The following SUCO variants were observed in gnomAD, a reference collection of about 807,000 sequenced individuals.
SUCO encodes the protein SUN domain-containing ossification factor.
In SUCO, 57 loss-of-function variants were observed where a neutral mutation model predicts 148.1. The ratio of observed to expected loss-of-function variants is 0.38; its 90% CI spans 0.31 to 0.48. SUCO has a LOEUF of 0.48. SUCO is among the 20% of genes least tolerant of loss of function. SUCO has a pLI of 0.96. For synonymous variants in SUCO, 470 were observed against 502.7 expected, an observed-to-expected ratio of 0.93 and a Z score of 0.87; for missense variants, 1,331 against 1,468.2, an observed-to-expected ratio of 0.91 and a Z score of 1.53.
intron 9 of SUCO, among the ~76,000 whole-genome samples, chr1:172,572,568 G>GCC (rs762244663): frequency 6.6e-6 from 1 of 151,792 alleles, no homozygotes; most frequent in Non-Finnish European, 1.5e-5. Flanking sequence ...ACTGCGGAAG[G>GCC]CCGCAGGGTC....
In SUCO at chr1:172,573,876, T is replaced by G. The variant is rs367694055; in HGVS notation, c.1050-15T>G. 51 of 1,422,094 alleles carry G rather than the reference T, an allele frequency of 3.6e-5. No individual in the cohort carries two copies. The highest frequency in any genetic ancestry group is 5.0e-5 in the Non-Finnish European group (51 of 1,014,676). 88.1% of individuals were successfully genotyped at this position (1,422,094 alleles called of 1,614,324 possible). A position where few individuals can be genotyped will look rare whatever the true frequency, so the allele number is the denominator to read the frequency against. The stretch of plus-strand genomic sequence containing the variant: ...TTTGATTGGTTTAAGTAATTGTCTT[T>G]TGTTCTTTTTGAAGGTTTGTTATTG... On this transcript the variant is annotated splice_polypyrimidine_tract_variant and intron_variant, in intron 9 of 23. Coordinates refer to ENST00000263688, the MANE Select transcript of SUCO (RefSeq NM_014283.5).
At chr1:172,605,974 G>A (rs545775133) in intron 22 of SUCO, among the ~76,000 whole-genome samples, 7 of 151,378 alleles carry the variant, frequency 4.6e-5, no homozygotes, top group African/African-American at 1.7e-4. Flanking sequence ...GTCATTATGT[G>A]TTACCTATTG....
chr1:172,601,634 A>C (rs1657538533), intron 20 of SUCO, among the ~76,000 whole-genome samples: 2 of 152,216 alleles, frequency 1.3e-5, no homozygotes, highest in Non-Finnish European at 2.9e-5. Flanking sequence ...AGCCTTAAGG[A>C]ACTAAGGTTG....
chr1:172,538,031 C>G (rs1652154675), intron 1 of SUCO, among the ~76,000 whole-genome samples: 1 of 152,138 alleles, frequency 6.6e-6, no homozygotes, highest in Admixed American at 6.5e-5. Flanking sequence ...GAGGCTAGAG[C>G]TAGGTTTTGA....
chr1:172,607,801 G>A (rs1244465305), intron 22 of SUCO, among the ~76,000 whole-genome samples: 1 of 151,856 alleles, frequency 6.6e-6, no homozygotes, highest in Admixed American at 6.6e-5. Context: ...AGAAATGACT[G>A]TTTAGAGGGA....
chr1:172,588,904 G>C lies in SUCO; in HGVS notation c.1803G>C (p.Gln601His). Reference sequence around the variant, plus strand: ...TGACCCTTCTGGGCAGCGGTGAACAGGAAGATGAATCATCACCCTGGTTTG... The same window carrying C: ...TGACCCTTCTGGGCAGCGGTGAACACGAAGATGAATCATCACCCTGGTTTG... ...STVTLLGSGE[Q>H]EDESSPWFES... The change falls in exon 18 of 24, where the codon CAG becomes CAC. Residue 601 changes from glutamine (Q) to histidine (H), a missense_variant. Gln to His is a conservative substitution (Grantham distance 24, BLOSUM62 0). This residue lies in a region of SUCO where 992 missense variants were observed against 1,093.5 expected (regional missense o/e 0.91). Coordinates refer to ENST00000263688, the MANE Select transcript of SUCO (RefSeq NM_014283.5). The C allele has an allele frequency of 6.2e-7, 1 of 1,613,266 alleles. No individual in the cohort carries two copies.
At position 172,569,096 on chromosome 1, in the gene SUCO, A is replaced by G; in HGVS notation, c.810A>G (p.Thr270=). Residue 270 remains threonine, a synonymous_variant, in exon 7 of 24, where the codon ACA becomes ACG. Transcript: ENST00000263688. ...CCAAAGATCCAGAAGATATACCAACATTTGATGAATGGAAGAAGAAAGTTA... is the reference window on the plus strand; with the variant it reads ...CCAAAGATCCAGAAGATATACCAACGTTTGATGAATGGAAGAAGAAAGTTA... The part of the protein sequence containing the change: ...ASPKDPEDIP[T]FDEWKKKVME... 6.3e-7 allele frequency: 1 copy of G among 1,585,778 alleles called. No individual in the cohort carries two copies. The highest frequency in any genetic ancestry group is 8.6e-7 in the Non-Finnish European group (1 of 1,166,958).
chr1:172,547,331 G>A (rs1353970186), intron 1 of SUCO, among the ~76,000 whole-genome samples: 1 of 152,128 alleles, frequency 6.6e-6, no homozygotes, highest in Non-Finnish European at 1.5e-5. Flanking sequence ...TCGCTATTAG[G>A]AGTAAAAACT....
intron 19 of SUCO, chr1:172,599,428 A>G (rs748302821): frequency 2.4e-6 from 2 of 832,730 alleles, no homozygotes; most frequent in African/African-American, 1.8e-5. Context: ...CATACAAACT[A>G]TATTATAAAT....
chr1:172,573,759 A>G (rs1655218605), intron 9 of SUCO, 132 bp from the exon 10 acceptor site: 1 of 570,558 alleles, frequency 1.8e-6, no homozygotes, highest in East Asian at 3.1e-5. Flanking sequence ...AACTAAGGCT[A>G]CATACCCTCC....
intron 6 of SUCO, among the ~76,000 whole-genome samples, chr1:172,564,384 C>T (rs890312882): frequency 3.3e-5 from 5 of 152,236 alleles, no homozygotes; most frequent in African/African-American, 1.2e-4. Flanking sequence ...CCCTGCAGAA[C>T]CACAGGGGTG....
At chr1:172,601,891 A>AT in intron 20 of SUCO, 173 bp from the exon 21 acceptor site, 11 of 238,288 alleles carry the variant, frequency 4.6e-5, no homozygotes, top group Non-Finnish European at 6.8e-5. Flanking sequence ...GCTGCAAAGA[A>AT]TTTTTTTTCT....
At chr1:172,581,898 T>C (rs2149255050) in intron 15 of SUCO, among the ~76,000 whole-genome samples, 1 of 152,334 alleles carries the variant, frequency 6.6e-6, no homozygotes, top group South Asian at 2.1e-4. Flanking sequence ...ATTCTTGATA[T>C]TATATAATTT....
At chr1:172,565,384 A>G (rs752053241) in intron 6 of SUCO, among the ~76,000 whole-genome samples, 3 of 152,244 alleles carry the variant, frequency 2.0e-5, no homozygotes, top group Non-Finnish European at 4.4e-5. Flanking sequence ...TTAGGAAAAT[A>G]ATACTTCTAA....
chr1:172,551,651 T>C (rs1449853817), intron 2 of SUCO, 25 bp downstream of exon 2: 2 of 1,431,588 alleles, frequency 1.4e-6, no homozygotes, highest in South Asian at 1.2e-5. Context: ...GTTAACATTA[T>C]AATTTGTGTG....
At chr1:172,584,473 C>A in intron 15 of SUCO, 1 of 432,776 alleles carries the variant, frequency 2.3e-6, no homozygotes, top group Non-Finnish European at 3.1e-6. Context: ...GGAAGTTTTA[C>A]AAGAAAAGTA....
At chr1:172,607,107 T>C (rs1311494695) in intron 22 of SUCO, among the ~76,000 whole-genome samples, 1 of 151,958 alleles carries the variant, frequency 6.6e-6, no homozygotes, top group Non-Finnish European at 1.5e-5. Context: ...AGCATAATTA[T>C]CTTTATAGTT....
intron 19 of SUCO, among the ~76,000 whole-genome samples, chr1:172,598,309 A>G (rs770664163): frequency 4.6e-5 from 7 of 152,168 alleles, no homozygotes; most frequent in African/African-American, 9.7e-5. Flanking sequence ...CTGCTTGTCT[A>G]TCTTTAAGGT....
At chr1:172,532,950 T>A, upstream of SUCO, 2 of 1,365,980 alleles carry the variant, frequency 1.5e-6, no homozygotes, top group Non-Finnish European at 1.9e-6. Context: ...CTTCTCCGCC[T>A]GCGACGTCGA....
Sources: gnomAD v4.1 joint callset for allele counts (sites outside exome capture counted in the v4.1 genomes callset) on GRCh38, gnomAD v4.1.1 for gene constraint, gnomAD v4.1.1 regional missense constraint, MANE v1.5 for transcripts, NCBI Gene and HGNC (gene_info 2026-07-23, HGNC 2026-07-21) for gene names.